The following SLC35B3 variants were observed in gnomAD, a reference collection of about 807,000 sequenced individuals.
SLC35B3 encodes solute carrier family 35 member B3.
Under a neutral mutation model 44.1 loss-of-function variants are expected in SLC35B3, and 35 were observed. That is an observed-to-expected ratio of 0.79 (90% CI 0.61 to 1.05). The LOEUF (loss-of-function observed/expected upper bound fraction) is 1.05. Among genes scored for constraint, SLC35B3 ranks in the 50% least tolerant of loss-of-function variants. SLC35B3 has a pLI of 0.00. For missense variants in SLC35B3, 414 were observed against 476.4 expected, an observed-to-expected ratio of 0.87 and a Z score of 1.22; for synonymous variants, 146 against 167.3, an observed-to-expected ratio of 0.87 and a Z score of 0.98.
chr6:8,422,398 T>G, intron 5 of SLC35B3, 72 bp downstream of exon 4: 1 of 1,141,204 alleles, frequency 8.8e-7, no homozygotes, highest in South Asian at 1.3e-5. Flanking sequence ...AAGTTTAATG[T>G]TTTTCCTAAT....
rs1481023649 is a variant in SLC35B3, at chr6:8,411,498, T to TACAAGTA, written c.*2050_*2051insTACTTGT. 2.0e-4 allele frequency among the ~76,000 whole-genome samples: 31 copies of TACAAGTA among 152,220 alleles called. No homozygotes were observed. Among genetic ancestry groups the TACAAGTA allele is most frequent in the Admixed American group, 6.5e-5 (1 of 15,284 alleles). The stretch of plus-strand genomic sequence containing the variant: ...TTTGAGAAAGTTGACAAGTTTTTCT[T>TACAAGTA]TCAAGTACAAATCCTTTTCTTCTTA... On this transcript the variant is annotated 3_prime_UTR_variant, in exon 11 of 11. Coordinates refer to ENST00000644923, the MANE Select transcript of SLC35B3 (RefSeq NM_001370476.2).
At chr6:8,430,589 A>G (rs1042324516) in intron 2 of SLC35B3, among the ~76,000 whole-genome samples, 1 of 152,142 alleles carries the variant, frequency 6.6e-6, no homozygotes, top group African/African-American at 2.4e-5. Context: ...AATAAACTAA[A>G]AAAATGAAGG....
chr6:8,419,595 A>C lies in SLC35B3; in HGVS notation c.765T>G (p.Ala255=). The C allele has an allele frequency of 6.5e-7, 1 of 1,539,980 alleles. No individual in the cohort carries two copies. Among genetic ancestry groups the C allele is most frequent in the African/African-American group, 1.4e-5 (1 of 73,160 alleles). Residue 255 remains alanine, a synonymous_variant, in exon 7 of 11, where the codon GCT becomes GCG. Coordinates refer to ENST00000644923, the MANE Select transcript of SLC35B3 (RefSeq NM_001370476.2). The surrounding 1 kb of genome is among the most constrained non-coding windows in gnomAD (Gnocchi z 4.3). ...GAGTATTTACCATTTCAGAATTAGA[A>C]GCATTATGAAGTTTCATAGCTTTCT...
chr6:8,420,133 G>A lies in SLC35B3; in HGVS notation c.683-456C>T, dbSNP rs930208899. Among the ~76,000 whole-genome samples the A allele has an allele frequency of 1.3e-5, 2 of 151,768 alleles. No individual in the cohort carries two copies. The highest frequency in any genetic ancestry group is 2.9e-5 in the Non-Finnish European group (2 of 67,944). On this transcript the variant is annotated intron_variant, in intron 6 of 10. Transcript: ENST00000644923. This position sits in a 1 kb window ranked among gnomAD's most constrained non-coding sequence, Gnocchi z 4.4. ...TAATTTAAATCACATAAACAGGCACGCTGCTGTCAGGGCCTTTTTCTTTGA... is the reference window on the plus strand; with the variant it reads ...TAATTTAAATCACATAAACAGGCACACTGCTGTCAGGGCCTTTTTCTTTGA...
intron 8 of SLC35B3, 59 bp downstream of exon 7, chr6:8,417,343 A>G: frequency 9.2e-7 from 1 of 1,082,170 alleles, no homozygotes. Context: ...GGGAAATGAG[A>G]AATTTAGAGA....
chr6:8,420,205 C>T lies in SLC35B3; in HGVS notation c.682+516G>A, dbSNP rs1012728320. 6.6e-6 allele frequency among the ~76,000 whole-genome samples: 1 copy of T among 152,124 alleles called. No homozygotes were observed. On this transcript the variant is annotated intron_variant, in intron 6 of 10. Coordinates refer to ENST00000644923, the MANE Select transcript of SLC35B3 (RefSeq NM_001370476.2). This position sits in a 1 kb window ranked among gnomAD's most constrained non-coding sequence, Gnocchi z 4.4. Reference sequence around the variant, plus strand: ...CCATATTTTCTCCTTTGTATAAACACACTCAGCACACATTTTCCATGATTT... The same window carrying T: ...CCATATTTTCTCCTTTGTATAAACATACTCAGCACACATTTTCCATGATTT...
intron 3 of SLC35B3, among the ~76,000 whole-genome samples, chr6:8,429,346 GAAC>G (rs1763740829): frequency 6.6e-6 from 1 of 151,990 alleles, no homozygotes; most frequent in African/African-American, 2.4e-5. Context: ...AAAAATCACA[GAAC>G]AATAAGATTC....
rs758339564 is a variant in SLC35B3, at chr6:8,416,960, A to G, written c.909T>C (p.Phe303=). 1.3e-5 allele frequency: 21 copies of G among 1,605,622 alleles called. No homozygotes were observed. The highest frequency in any genetic ancestry group is 1.6e-5 in the Non-Finnish European group (19 of 1,176,532). The change falls in exon 9 of 11, where the codon TTT becomes TTC. Residue 303 remains phenylalanine (F), a synonymous_variant. Coordinates refer to ENST00000644923, the MANE Select transcript of SLC35B3 (RefSeq NM_001370476.2). Reference sequence around the variant, plus strand: ...AGATTCCAAAATATCCAGTGAGGGAAAAAAGGAACGCATAACCATAGGTCC... The same window carrying G: ...AGATTCCAAAATATCCAGTGAGGGAGAAAAGGAACGCATAACCATAGGTCC...
At chr6:8,417,368 A>T in intron 8 of SLC35B3, 34 bp downstream of exon 7, 1 of 1,319,548 alleles carries the variant, frequency 7.6e-7, no homozygotes, top group Non-Finnish European at 1.1e-6. Flanking sequence ...TATTTAACAG[A>T]AGATTTTTTT....
chr6:8,419,633 C>T lies in SLC35B3; in HGVS notation c.727G>A (p.Gly243Arg), dbSNP rs1253203388. The change falls in exon 7 of 11, where the codon GGA becomes AGA. Residue 243 changes from glycine (G) to arginine (R), a missense_variant. By Grantham distance (125) the Gly-to-Arg change is moderately radical. Transcript: ENST00000644923. This position sits in a 1 kb window ranked among gnomAD's most constrained non-coding sequence, Gnocchi z 4.3. Reference sequence around the variant, plus strand: ...TTCATAGCTTTCTCTTGAACATTTCCAATGACGGCATCTGCACATAGTGCC... The same window carrying T: ...TTCATAGCTTTCTCTTGAACATTTCTAATGACGGCATCTGCACATAGTGCC... The T allele has an allele frequency of 1.2e-5, 19 of 1,566,296 alleles. No homozygotes were observed. The highest frequency in any genetic ancestry group is 1.7e-5 in the Non-Finnish European group (19 of 1,150,286).
In SLC35B3 at chr6:8,416,911, T is replaced by G. The variant is rs1211012652; in HGVS notation, c.958A>C (p.Ile320Leu). 1 of 1,597,178 alleles carries G rather than the reference T, an allele frequency of 6.3e-7. No homozygotes were observed. Among genetic ancestry groups the G allele is most frequent in the Non-Finnish European group, 8.5e-7 (1 of 1,171,406 alleles). The change falls in exon 9 of 11, where the codon ATT becomes CTT. Residue 320 changes from isoleucine (I) to leucine (L), a missense_variant. By Grantham distance (5) the Ile-to-Leu change is conservative. Transcript: ENST00000644923. ...GTTACAGCAATAAGTGCACCAAAAA[T>G]TTTAATCAAAGCCAGAACAAAGGAG...
At chr6:8,422,372 AT>A in intron 5 of SLC35B3, 97 bp downstream of exon 4, 1 of 938,136 alleles carries the variant, frequency 1.1e-6, no homozygotes, top group Non-Finnish European at 1.6e-6. Flanking sequence ...TAGAATGCTC[AT>A]TGAAAATGTA....
At chr6:8,426,683 C>T (rs1406249502) in intron 4 of SLC35B3, among the ~76,000 whole-genome samples, 2 of 151,998 alleles carry the variant, frequency 1.3e-5, no homozygotes, top group Admixed American at 1.3e-4. Flanking sequence ...AGCATGAAAA[C>T]GGACTAATAA....
rs993112586 is a variant in SLC35B3 at position 8,435,521 on chromosome 6, G to T, written c.-222C>A. The T allele has an allele frequency of 5.6e-6, 3 of 536,176 alleles. No homozygotes were observed. The highest frequency in any genetic ancestry group is 3.7e-5 in the South Asian group (2 of 54,762). The allele number at this position is 536,176 out of a possible 1,614,324, so 33.2% of individuals were successfully genotyped here. On this transcript the variant is annotated 5_prime_UTR_variant, in exon 1 of 11. Coordinates refer to ENST00000644923, the MANE Select transcript of SLC35B3 (RefSeq NM_001370476.2). The surrounding 1 kb of genome is among the most constrained non-coding windows in gnomAD (Gnocchi z 5.5). ...CCCGGAAAGCACTCTCAACTCCGGC[G>T]CCCGCAGGCCACTTCCGCCTATGTG... is the stretch of plus-strand genomic sequence containing the variant.
chr6:8,423,435 T>C (rs1467578880), intron 4 of SLC35B3, among the ~76,000 whole-genome samples: 1 of 152,170 alleles, frequency 6.6e-6, no homozygotes, highest in Non-Finnish European at 1.5e-5. Context: ...ATTTCAAGTC[T>C]TTTAACTTTG....
chr6:8,419,537 T>C lies in SLC35B3; in HGVS notation c.780+43A>G, dbSNP rs1762703114. The C allele has an allele frequency of 2.8e-6, 3 of 1,057,822 alleles. No individual in the cohort carries two copies. Among genetic ancestry groups the C allele is most frequent in the South Asian group, 1.7e-5 (1 of 59,930 alleles). 65.5% of individuals were successfully genotyped at this position (1,057,822 alleles called of 1,614,324 possible). On this transcript the variant is annotated intron_variant, in intron 7 of 10. Coordinates refer to ENST00000644923, the MANE Select transcript of SLC35B3 (RefSeq NM_001370476.2). The surrounding 1 kb of genome is among the most constrained non-coding windows in gnomAD (Gnocchi z 4.3). ...CATCAAATTACGTGTATCACCATTT[T>C]TTAAATCTGTCTAATTTGAAGAAAA...
intron 4 of SLC35B3, 38 bp downstream of exon 3, chr6:8,427,899 A>AT: frequency 1.2e-5 from 18 of 1,538,178 alleles, no homozygotes; most frequent in Non-Finnish European, 1.2e-5. Context: ...AAATTCAACT[A>AT]ATATAGAAAT....
chr6:8,432,534 A>G lies in SLC35B3; in HGVS notation c.3+1851T>C, dbSNP rs1211595274. On this transcript the variant is annotated intron_variant, in intron 2 of 10. Coordinates refer to ENST00000644923, the MANE Select transcript of SLC35B3 (RefSeq NM_001370476.2). This position sits in a 1 kb window ranked among gnomAD's most constrained non-coding sequence, Gnocchi z 4.8. ...AGCAGTATAGCATAATGCTTTCCCC[A>G]TGCTTTGGAATTTTGACAGATATGA... Among the ~76,000 whole-genome samples the G allele has an allele frequency of 6.6e-6, 1 of 152,102 alleles. No individual in the cohort carries two copies. Among genetic ancestry groups the G allele is most frequent in the African/African-American group, 2.4e-5 (1 of 41,432 alleles).
At chr6:8,417,649 T>C (rs891091183) in intron 7 of SLC35B3, among the ~76,000 whole-genome samples, 155 bp from the exon 7 acceptor site, 1 of 152,144 alleles carries the variant, frequency 6.6e-6, no homozygotes, top group Admixed American at 6.6e-5. Flanking sequence ...GAAATGTTAT[T>C]TGATTCTAAT....
Sources: allele counts gnomAD v4.1 joint callset (sites outside exome capture counted in the v4.1 genomes callset), GRCh38; gene constraint gnomAD v4.1.1; non-coding constraint Gnocchi (gnomAD v3.1); transcripts MANE v1.5; gene names NCBI Gene and HGNC (gene_info 2026-07-23, HGNC 2026-07-21).